Variants in RBM26 observed in about 807,000 individuals in gnomAD.
The protein encoded by RBM26 is RNA binding motif protein 26.
Under a neutral mutation model 123.6 loss-of-function variants are expected in RBM26, and 30 were observed. That is an observed-to-expected ratio of 0.24 (90% confidence interval 0.18 to 0.33). The LOEUF is 0.33. RBM26 is among the 10% of genes least tolerant of loss of function. The probability of loss-of-function intolerance (pLI) is 1.00; values close to 1 mark genes in which losing one functional copy is unlikely to be tolerated. For synonymous variants in RBM26, 400 were observed against 404.4 expected (o/e 0.99, Z 0.13); for missense variants, 947 against 1,203.6 (o/e 0.79, Z 3.15).
chr13:79,330,268 A>G (rs1381671672), intron 20 of RBM26, among the ~76,000 whole-genome samples: 2 of 152,234 alleles, frequency 1.3e-5, no homozygotes, highest in Admixed American at 6.5e-5. Flanking sequence ...TATACATAAC[A>G]GAAAGCACAA....
In RBM26 at chr13:79,392,042, CAATACATT is replaced by C. The variant is rs1381583348; in HGVS notation, c.72-13143_72-13136del. 3.1e-4 allele frequency among the ~76,000 whole-genome samples: 29 copies of C among 93,830 alleles called. 1 individual carries two copies. The East Asian group carries it at 4.2e-3, about 14-fold the overall frequency. 61.6% of individuals were successfully genotyped at this position (93,830 alleles called of 152,430 possible). A position where few individuals can be genotyped will look rare whatever the true frequency, so the allele number is the denominator to read the frequency against. ...CATTATTATATAATTATATATTATA[CAATACATT>C]ATTATATAATTATGTATTATACAAT... On this transcript the variant is annotated intron_variant, in intron 1 of 21. Transcript: ENST00000438737.
At chr13:79,316,270 A>G (rs1350185636), downstream of RBM26, among the ~76,000 whole-genome samples, 1 of 150,706 alleles carries the variant, frequency 6.6e-6, no homozygotes, top group African/African-American at 2.4e-5. Flanking sequence ...ATTCTAGAAG[A>G]ACTAAAACTA....
At chr13:79,384,002 A>G (rs548033779) in intron 1 of RBM26, among the ~76,000 whole-genome samples, 1 of 152,298 alleles carries the variant, frequency 6.6e-6, no homozygotes, top group African/African-American at 2.4e-5. Flanking sequence ...CCTAAGGCCT[A>G]CTTGACCTTC....
intron 1 of RBM26, among the ~76,000 whole-genome samples, chr13:79,387,900 C>A (rs1463989774): frequency 1.3e-5 from 2 of 152,138 alleles, no homozygotes; most frequent in African/African-American, 4.8e-5. Flanking sequence ...TTGTTTCTAC[C>A]ACTGTTACAT....
intron 1 of RBM26, among the ~76,000 whole-genome samples, chr13:79,399,331 C>T (rs982294155): frequency 6.6e-6 from 1 of 152,170 alleles, no homozygotes; most frequent in Non-Finnish European, 1.5e-5. Context: ...ATCTTCCTAA[C>T]ACCTATCTTG....
chr13:79,323,172 G>A (rs1378565145), intron 20 of RBM26, among the ~76,000 whole-genome samples: 1 of 151,472 alleles, frequency 6.6e-6, no homozygotes, highest in Admixed American at 6.6e-5. Flanking sequence ...ATATTAAGTG[G>A]CTGGTTTGGA....
At chr13:79,334,205 C>T (rs1474503069) in intron 20 of RBM26, 139 bp downstream of exon 20, 1 of 521,420 alleles carries the variant, frequency 1.9e-6, no homozygotes, top group Non-Finnish European at 3.4e-6. Flanking sequence ...TCTTTGAGGG[C>T]ATGAATTCCA....
At position 79,371,860 on chromosome 13, in the gene RBM26, G is replaced by T; in HGVS notation, c.398C>A (p.Ser133Tyr). ...RLNHSPPQSSSRYRENRSRDE... is the reference protein window; with the variant it reads ...RLNHSPPQSSYRYRENRSRDE... ...TGCTCACCTATTTTCCCTGTATCGG[G>T]AGCTTGACTGGGGAGGACTGTGATT... is the stretch of plus-strand genomic sequence containing the variant. The change falls in exon 4 of 22, where the codon TCC becomes TAC. Residue 133 changes from serine (S) to tyrosine (Y), a missense_variant. By Grantham distance (144) the Ser-to-Tyr change is moderately radical (BLOSUM62 -2). Coordinates refer to ENST00000438737, the MANE Select transcript of RBM26 (RefSeq NM_001366735.2). 6.2e-7 allele frequency: 1 copy of T among 1,610,384 alleles called. No individual in the cohort carries two copies. Among genetic ancestry groups the T allele is most frequent in the Non-Finnish European group, 8.5e-7 (1 of 1,176,800 alleles).
At chr13:79,386,418 A>T (rs1043959924) in intron 1 of RBM26, among the ~76,000 whole-genome samples, 24 of 73,002 alleles carry the variant, frequency 3.3e-4, no homozygotes, top group Admixed American at 2.8e-3. Flanking sequence ...TAAATTAAAT[A>T]AAAAAAAAAA....
chr13:79,393,046 CACTT>C (rs1263839876), intron 1 of RBM26, among the ~76,000 whole-genome samples: 2 of 152,160 alleles, frequency 1.3e-5, no homozygotes, highest in African/African-American at 4.8e-5. Flanking sequence ...CACTCATCAA[CACTT>C]ACTAACCAAA....
chr13:79,374,567 T>C (rs1379535537), intron 3 of RBM26, among the ~76,000 whole-genome samples: 6 of 152,090 alleles, frequency 3.9e-5, no homozygotes, highest in Non-Finnish European at 1.5e-5. Context: ...CTAGGAGAAA[T>C]AATCTTTAAA....
chr13:79,348,302 G>GTA (rs1392398828), intron 14 of RBM26, among the ~76,000 whole-genome samples: 1 of 151,988 alleles, frequency 6.6e-6, no homozygotes. Flanking sequence ...TTGTTAAAAT[G>GTA]TATAGCACTA....
chr13:79,327,975 C>T (rs2068699340), intron 20 of RBM26, among the ~76,000 whole-genome samples: 1 of 151,894 alleles, frequency 6.6e-6, no homozygotes, highest in African/African-American at 2.4e-5. Context: ...GTAATATATA[C>T]TGGCTATGTT....
intron 5 of RBM26, among the ~76,000 whole-genome samples, chr13:79,369,799 ATAAC>A (rs1304432807): frequency 1.3e-5 from 2 of 152,370 alleles, no homozygotes; most frequent in East Asian, 3.9e-4. Flanking sequence ...GTTTTGAAGT[ATAAC>A]TGATATATAA....
At chr13:79,360,641 G>C (rs1566447369) in intron 9 of RBM26, among the ~76,000 whole-genome samples, 1 of 152,114 alleles carries the variant, frequency 6.6e-6, no homozygotes, top group Non-Finnish European at 1.5e-5. Context: ...AGTTATGATT[G>C]AAGTGAGCTG....
chr13:79,362,520 C>T (rs2074819200), intron 9 of RBM26, among the ~76,000 whole-genome samples: 1 of 152,162 alleles, frequency 6.6e-6, no homozygotes, highest in South Asian at 2.1e-4. Flanking sequence ...TGTATCTATT[C>T]TCTTCCTCTG....
exon 5 of RBM26, chr13:79,312,874 A>C (rs1037454154): frequency 6.6e-6 from 1 of 151,962 alleles, no homozygotes; most frequent in African/African-American, 2.4e-5. Context: ...CAAAAATGAT[A>C]CTGAAAGGTT....
intron 21 of RBM26, 42 bp from the exon 22 acceptor site, chr13:79,320,752 A>G (rs776236343): frequency 3.1e-5 from 46 of 1,460,596 alleles, no homozygotes; most frequent in Non-Finnish European, 4.0e-5. Context: ...CAAAAAAAAA[A>G]AAAAGAAAAG....
rs74100219 is a variant in RBM26, at chr13:79,406,024, C to T, written c.-250G>A. On this transcript the variant is annotated 5_prime_UTR_variant, in exon 1 of 22. Coordinates refer to ENST00000438737, the MANE Select transcript of RBM26 (RefSeq NM_001366735.2). ...CCGGGCTGAAACAGCAACGGTTTGCCCGGGCCCTCCCCCTTCCCTCTTCCC... is the reference window on the plus strand; with the variant it reads ...CCGGGCTGAAACAGCAACGGTTTGCTCGGGCCCTCCCCCTTCCCTCTTCCC... 1,445 of 295,180 alleles carry T rather than the reference C, an allele frequency of 4.9e-3. 23 individuals are homozygous for T. Among genetic ancestry groups the T allele is most frequent in the African/African-American group, 0.029 (1,317 of 45,320 alleles). 18.3% of individuals were successfully genotyped at this position (295,180 alleles called of 1,614,324 possible). A position where few individuals can be genotyped will look rare whatever the true frequency, so the allele number is the denominator to read the frequency against.
Sources: allele counts gnomAD v4.1 joint callset (sites outside exome capture counted in the v4.1 genomes callset), GRCh38; gene constraint gnomAD v4.1.1; transcripts MANE v1.5; gene names NCBI Gene and HGNC (gene_info 2026-07-23, HGNC 2026-07-21).